Variants in TASP1 observed in about 807,000 individuals in gnomAD.
The protein encoded by TASP1 is taspase 1.
A neutral mutation model predicts 56.6 loss-of-function variants in TASP1; 16 were observed. The observed-to-expected ratio is 0.28, with a 90% CI of 0.19 to 0.43. TASP1 has a LOEUF of 0.43. TASP1 is among the 20% of genes least tolerant of loss of function. The pLI is 1.00. For synonymous variants in TASP1, 179 were observed against 184.2 expected (o/e 0.97, Z 0.23); for missense variants, 393 against 511.6 (o/e 0.77, Z 2.24).
chr20:13,348,887 C>T, the TASP1 span, among the ~76,000 whole-genome samples: 67 of 152,226 alleles, frequency 4.4e-4, no homozygotes, highest in African/African-American at 1.4e-3. Flanking sequence ...GCCAATCAAG[C>T]GTATCATAGA....
At chr20:13,201,105 A>G in the TASP1 span, among the ~76,000 whole-genome samples, 1 of 152,226 alleles carries the variant, frequency 6.6e-6, no homozygotes, top group Non-Finnish European at 1.5e-5. Context: ...AAGGAGGGAT[A>G]CTGCAAAGTG....
chr20:13,352,943 G>T, the TASP1 span, among the ~76,000 whole-genome samples: 2 of 152,088 alleles, frequency 1.3e-5, no homozygotes, highest in African/African-American at 4.8e-5. Context: ...GTGATAAAAG[G>T]TGCCTTCCCT....
chr20:13,611,156 T>C (rs1056043582), intron 4 of TASP1, among the ~76,000 whole-genome samples: 7 of 152,210 alleles, frequency 4.6e-5, no homozygotes, highest in Admixed American at 2.6e-4. Context: ...TTTTCTTATG[T>C]TTTCCATTAA....
At chr20:13,171,674 A>G in the TASP1 span, among the ~76,000 whole-genome samples, 2 of 152,188 alleles carry the variant, frequency 1.3e-5, no homozygotes, top group Non-Finnish European at 2.9e-5. Flanking sequence ...CGAATTAGAG[A>G]GGAAGTATGA....
chr20:13,256,337 ACT>A, the TASP1 span, among the ~76,000 whole-genome samples: 1 of 149,224 alleles, frequency 6.7e-6, no homozygotes, highest in Non-Finnish European at 1.5e-5. Context: ...TGGAGGTTAC[ACT>A]GAGCCTAGAT....
the TASP1 span, among the ~76,000 whole-genome samples, chr20:13,147,402 C>G: frequency 6.6e-6 from 1 of 152,116 alleles, no homozygotes; most frequent in Admixed American, 6.5e-5. Context: ...CTCTCTGCCC[C>G]TGAGTGTGTT....
intron 13 of TASP1, among the ~76,000 whole-genome samples, chr20:13,394,454 CAA>C (rs575958156): frequency 1.6e-4 from 24 of 150,968 alleles, no homozygotes; most frequent in Admixed American, 4.0e-4. Context: ...ACTAAAAATA[CAA>C]AAAAAATTAG....
chr20:13,273,979 T>C, the TASP1 span, among the ~76,000 whole-genome samples: 1 of 152,132 alleles, frequency 6.6e-6, no homozygotes, highest in African/African-American at 2.4e-5. Flanking sequence ...AATGTTAGTA[T>C]TGGTCACTCA....
chr20:13,514,946 C>T (rs1464106496), intron 10 of TASP1, among the ~76,000 whole-genome samples: 1 of 152,130 alleles, frequency 6.6e-6, no homozygotes, highest in Non-Finnish European at 1.5e-5. Flanking sequence ...TTTACATTTA[C>T]ATGTTCCCAC....
chr20:13,157,703 G>C, the TASP1 span, among the ~76,000 whole-genome samples: 3 of 152,144 alleles, frequency 2.0e-5, no homozygotes, highest in African/African-American at 7.2e-5. Context: ...AAACAGAACA[G>C]GTTAGTTACA....
At chr20:13,553,409 T>C (rs1239740455) in intron 8 of TASP1, among the ~76,000 whole-genome samples, 3 of 152,096 alleles carry the variant, frequency 2.0e-5, no homozygotes, top group Admixed American at 2.0e-4. Flanking sequence ...AAGAAAGAGA[T>C]AAAAGAAAAA....
the TASP1 span, among the ~76,000 whole-genome samples, chr20:13,185,283 C>T: frequency 6.6e-6 from 1 of 152,012 alleles, no homozygotes; most frequent in Non-Finnish European, 1.5e-5. Flanking sequence ...AGAGTCCAAG[C>T]ACTTCACAAT....
rs183086807 is a variant in TASP1 at position 13,487,614 on chromosome 20, C to T, written c.875-4277G>A. Among the ~76,000 whole-genome samples the T allele has an allele frequency of 1.1e-4, 16 of 152,180 alleles. No homozygotes were observed. The East Asian group carries it at 1.5e-3, about 15-fold the overall frequency. ...GCATGTCCCATGCTCAAAGATAATA[C>T]ATGTCTTCTACTTGTGGGTATCCCG... On this transcript the variant is annotated intron_variant, in intron 10 of 13. Coordinates refer to ENST00000337743, the MANE Select transcript of TASP1 (RefSeq NM_017714.3).
intron 4 of TASP1, among the ~76,000 whole-genome samples, chr20:13,620,937 C>T (rs1233141258): frequency 2.0e-5 from 3 of 152,144 alleles, no homozygotes; most frequent in Middle Eastern, 3.2e-3. Context: ...GGTAATGAAT[C>T]ACAATTATTC....
At chr20:13,221,080 C>A in the TASP1 span, among the ~76,000 whole-genome samples, 95 of 152,180 alleles carry the variant, frequency 6.2e-4, no homozygotes, top group Non-Finnish European at 6.3e-4. Flanking sequence ...CCCGGGACTC[C>A]GAGTGCGGGG....
At chr20:13,571,737 A>G (rs754894130) in intron 6 of TASP1, among the ~76,000 whole-genome samples, 3 of 152,162 alleles carry the variant, frequency 2.0e-5, no homozygotes, top group Non-Finnish European at 2.9e-5. Flanking sequence ...TGTAAAAACT[A>G]GGGTCTTTTT....
At chr20:13,157,273 C>CA in the TASP1 span, among the ~76,000 whole-genome samples, 129,475 of 143,674 alleles carry the variant, frequency 0.9, 58,267 homozygotes, top group East Asian at 0.99. Flanking sequence ...ACTAAAAGTA[C>CA]AAAAAAAAAA....
At chr20:13,293,027 G>A in the TASP1 span, among the ~76,000 whole-genome samples, 3 of 151,642 alleles carry the variant, frequency 2.0e-5, no homozygotes, top group Admixed American at 6.6e-5. Flanking sequence ...AAACCCCCCC[G>A]TCTCTACTAA....
chr20:13,111,797 G>A, the TASP1 span, among the ~76,000 whole-genome samples: 4 of 152,174 alleles, frequency 2.6e-5, no homozygotes. Context: ...CAAATAAATA[G>A]AACTTGGCTC....
Sources: gnomAD v4.1 joint callset for allele counts (sites outside exome capture counted in the v4.1 genomes callset) on GRCh38, gnomAD v4.1.1 for gene constraint, MANE v1.5 for transcripts, NCBI Gene and HGNC (gene_info 2026-07-23, HGNC 2026-07-21) for gene names.